LYVE1: variants seen among roughly 807,000 people sequenced by gnomAD.
The protein encoded by LYVE1 is lymphatic vessel endothelial hyaluronan receptor 1, also known as lymphatic vessel endothelial hyaluronic acid receptor 1.
LYVE1 carries 29 observed loss-of-function variants against 31.5 expected under a neutral mutation model. The observed-to-expected ratio is 0.92, with a 90% CI of 0.69 to 1.26. The LOEUF (loss-of-function observed/expected upper bound fraction) is 1.26, where lower values mean the gene tolerates loss of function less well. Ranked by LOEUF, LYVE1 falls within the 50% of genes most tolerant of loss-of-function variation. The pLI is 0.00. For missense variants in LYVE1, 376 were observed against 380.2 expected (o/e 0.99, Z 0.09); for synonymous variants, 134 against 139.4 (o/e 0.96, Z 0.27).
intron 3 of LYVE1, among the ~76,000 whole-genome samples, chr11:10,563,165 G>A (rs1204730231): frequency 6.6e-6 from 1 of 151,826 alleles, no homozygotes; most frequent in Non-Finnish European, 1.5e-5. Flanking sequence ...GTGTTAGGAT[G>A]GTCTCAATCT....
rs548312810 is a variant in LYVE1 at position 10,557,153 on chromosome 11, A to G, written c.*1958T>C. 1 of 152,316 alleles carries G rather than the reference A, an allele frequency of 6.6e-6. No individual in the cohort carries two copies. Among genetic ancestry groups the G allele is most frequent in the South Asian group, 2.1e-4 (1 of 4,826 alleles). 9.4% of individuals were successfully genotyped at this position (152,316 alleles called of 1,614,324 possible). On this transcript the variant is annotated 3_prime_UTR_variant, in exon 6 of 6. Coordinates refer to ENST00000256178, the MANE Select transcript of LYVE1 (RefSeq NM_006691.4). ...GGGCTGGGTGTGAAGAAAAGGCCACAGTGTTACAAAGTTCATAGGAAAGGG... is the reference window on the plus strand; with the variant it reads ...GGGCTGGGTGTGAAGAAAAGGCCACGGTGTTACAAAGTTCATAGGAAAGGG...
At chr11:10,568,267 A>C (rs1409329361) in intron 1 of LYVE1, among the ~76,000 whole-genome samples, 181 bp downstream of exon 1, 1 of 152,256 alleles carries the variant, frequency 6.6e-6, no homozygotes, top group Admixed American at 6.5e-5. Flanking sequence ...TACAAACGTA[A>C]ATGTCAATCA....
rs144289891 is a variant in LYVE1, at chr11:10,563,996, A to G, written c.341T>C (p.Leu114Pro). 2.5e-6 allele frequency: 4 copies of G among 1,614,088 alleles called. No homozygotes were observed. Among genetic ancestry groups the G allele is most frequent in the African/African-American group, 1.3e-5 (1 of 74,938 alleles). ...PKCGKNGVGV[L>P]IWKVPVSRQF... The stretch of plus-strand genomic sequence containing the variant: ...TCGGCTCACTGGAACCTTCCAAATC[A>G]GGACACCCACCCCATTTTTCCCACA... Residue 114 changes from leucine (L) to proline (P), a missense_variant, in exon 3 of 6, where the codon CTG (leucine) becomes CCG (proline). By Grantham distance (98) the Leu-to-Pro change is moderately conservative. Coordinates refer to ENST00000256178, the MANE Select transcript of LYVE1 (RefSeq NM_006691.4).
rs1850482899 is a variant in LYVE1 at position 10,563,950 on chromosome 11, G to GT, written c.386dup (p.Tyr129Ter). 2 of 1,614,182 alleles carry GT rather than the reference G, an allele frequency of 1.2e-6. No individual in the cohort carries two copies. Among genetic ancestry groups the GT allele is most frequent in the South Asian group, 2.2e-5 (2 of 91,084 alleles). Residue 129 changes from tyrosine to a stop codon, truncating the protein, a stop_gained and frameshift_variant, in exon 3 of 6, where the codon TAC becomes TAAC. Transcript: ENST00000256178. LOFTEE classifies it high-confidence loss of function. ...PVSRQFAAYC[Y>*]NSSDTWTNSC... is the part of the protein sequence containing the mutation. ...GCAGATCAGACTCACCAGATGAGTT[G>GT]TAACAATAGGCTGCAAACTGTCGGC... is the stretch of plus-strand genomic sequence containing the variant.
chr11:10,562,940 C>T (rs1004560376), intron 3 of LYVE1, among the ~76,000 whole-genome samples: 6 of 137,926 alleles, frequency 4.4e-5, no homozygotes, highest in Admixed American at 1.5e-4. Flanking sequence ...CCTTTGAACT[C>T]GGTTTCTTTT....
At position 10,564,354 on chromosome 11, in the gene LYVE1, A is replaced by C. The variant is rs778739711; in HGVS notation, c.106T>G (p.Cys36Gly). The change falls in exon 2 of 6, where the codon TGC becomes GGC. Residue 36 changes from cysteine to glycine, a missense_variant. Transcript: ENST00000256178. ...ACAAGGGTGATCCCCATAATTCTGC[A>C]TGACACCTGGATGGAAAGCTCTGCA... is the stretch of plus-strand genomic sequence containing the variant. ...RAEELSIQVSCRIMGITLVSK... is the reference protein window; with the variant it reads ...RAEELSIQVSGRIMGITLVSK... 1.9e-5 allele frequency: 31 copies of C among 1,613,762 alleles called. 1 individual carries two copies. In the South Asian group the frequency reaches 3.3e-4, roughly 17 times the overall value.
intron 3 of LYVE1, among the ~76,000 whole-genome samples, chr11:10,563,143 C>T (rs1294984191): frequency 2.6e-5 from 4 of 151,772 alleles, no homozygotes; most frequent in South Asian, 2.1e-4. Flanking sequence ...TTAGTAGAGA[C>T]GGGGTTTCAC....
Position 10,557,339 on chromosome 11 carries a change from A to G in LYVE1, c.*1772T>C, listed in dbSNP as rs1299239173. On this transcript the variant is annotated 3_prime_UTR_variant, in exon 6 of 6. Transcript: ENST00000256178. ...TACTTCCAGATCTTTCCATTTTTAG[A>G]GGGAACCCAGAAATGTAACCATGTG... The G allele has an allele frequency of 6.6e-6, 1 of 152,216 alleles. No individual in the cohort carries two copies. Among genetic ancestry groups the G allele is most frequent in the Non-Finnish European group, 1.5e-5 (1 of 68,042 alleles). The allele number at this position is 152,216 out of a possible 1,614,324, so 9.4% of individuals were successfully genotyped here. A position where few individuals can be genotyped will look rare whatever the true frequency, so the allele number is the denominator to read the frequency against.
intron 3 of LYVE1, among the ~76,000 whole-genome samples, chr11:10,561,568 T>C (rs1230850760): frequency 6.6e-6 from 1 of 152,166 alleles, no homozygotes; most frequent in African/African-American, 2.4e-5. Flanking sequence ...TTGCATGTGC[T>C]AGAGAGGAAA....
rs972142098 is a variant in LYVE1, at chr11:10,557,598, G to A, written c.*1513C>T. The A allele has an allele frequency of 6.6e-6, 1 of 152,198 alleles. No individual in the cohort carries two copies. Among genetic ancestry groups the A allele is most frequent in the Admixed American group, 6.5e-5 (1 of 15,282 alleles). The allele number at this position is 152,198 out of a possible 1,614,324, so 9.4% of individuals were successfully genotyped here. A position where few individuals can be genotyped will look rare whatever the true frequency, so the allele number is the denominator to read the frequency against. ...GACGAATGAGCCATCCTGGATCTCT[G>A]GCTCCCTGGTGAATTCTGAAATGGA... On this transcript the variant is annotated 3_prime_UTR_variant, in exon 6 of 6. Transcript: ENST00000256178.
chr11:10,566,860 G>C (rs1328111408), intron 1 of LYVE1, among the ~76,000 whole-genome samples: 1 of 152,120 alleles, frequency 6.6e-6, no homozygotes, highest in Non-Finnish European at 1.5e-5. Flanking sequence ...AGCAGAGGCG[G>C]GGCCCAGTAG....
chr11:10,565,797 A>T (rs564447437), intron 1 of LYVE1, among the ~76,000 whole-genome samples: 25 of 151,924 alleles, frequency 1.6e-4, no homozygotes, highest in African/African-American at 6.0e-4. Flanking sequence ...CAGTATGGCC[A>T]AGCAAGAACC....
rs1250490225 is a variant in LYVE1 at position 10,560,498 on chromosome 11, C to T, written c.700G>A (p.Gly234Arg). 1 of 1,601,890 alleles carries T rather than the reference C, an allele frequency of 6.2e-7. No individual in the cohort carries two copies. Among genetic ancestry groups the T allele is most frequent in the Non-Finnish European group, 8.5e-7 (1 of 1,172,600 alleles). The change falls in exon 4 of 6, where the codon GGA (glycine) becomes AGA (arginine). Residue 234 changes from glycine to arginine, a missense_variant. Coordinates refer to ENST00000256178, the MANE Select transcript of LYVE1 (RefSeq NM_006691.4). ...AAFKNEAAGF[G>R]GVPTALLVLA... ...CATAGACACAGAAACCATTTACCTC[C>T]AAACCCAGCAGCTTCATTCTTGAAT... is the stretch of plus-strand genomic sequence containing the variant.
intron 3 of LYVE1, among the ~76,000 whole-genome samples, chr11:10,562,650 A>C (rs1274096266): frequency 6.6e-6 from 1 of 152,182 alleles, no homozygotes; most frequent in Non-Finnish European, 1.5e-5. Context: ...ACTGAGAGCA[A>C]GTGAGTATTT....
chr11:10,566,292 T>G (rs533915944), intron 1 of LYVE1, among the ~76,000 whole-genome samples: 30 of 151,908 alleles, frequency 2.0e-4, no homozygotes, highest in Admixed American at 1.3e-3. Context: ...GTATTTTTTG[T>G]AGAGATGGGG....
Position 10,560,550 on chromosome 11 carries a change from A to G in LYVE1, c.648T>C (p.Thr216=). 1 of 1,613,730 alleles carries G rather than the reference A, an allele frequency of 6.2e-7. No individual in the cohort carries two copies. The highest frequency in any genetic ancestry group is 1.1e-5 in the South Asian group (1 of 91,016). Reference sequence around the variant, plus strand: ...CTGCTTTATTTTCAACAAATGGTTCAGTTTCTGTAGACATGGTGCTAGTTT... The same window carrying G: ...CTGCTTTATTTTCAACAAATGGTTCGGTTTCTGTAGACATGGTGCTAGTTT... The part of the protein sequence containing the change: ...FMETSTMSTE[T]EPFVENKAAF... Residue 216 remains threonine (T), a synonymous_variant, in exon 4 of 6, where the codon ACT becomes ACC. Coordinates refer to ENST00000256178, the MANE Select transcript of LYVE1 (RefSeq NM_006691.4).
rs1564876349 is a variant in LYVE1 at position 10,558,264 on chromosome 11, TTACTTTTTAAACAAATTAC to T, written c.*828_*846del. On this transcript the variant is annotated 3_prime_UTR_variant, in exon 6 of 6. Coordinates refer to ENST00000256178, the MANE Select transcript of LYVE1 (RefSeq NM_006691.4). ...TTCAGCAAATGTTTGTTGAATTTTA[TTACTTTTTAAACAAATTAC>T]TGAGTAATCTTCCTTAGTAATCATT... 2 of 152,102 alleles carry T rather than the reference TTACTTTTTAAACAAATTAC, an allele frequency of 1.3e-5. No homozygotes were observed. Among genetic ancestry groups the T allele is most frequent in the Non-Finnish European group, 2.9e-5 (2 of 68,046 alleles). The allele number at this position is 152,102 out of a possible 1,614,324, so 9.4% of individuals were successfully genotyped here.
At position 10,557,914 on chromosome 11, in the gene LYVE1, C is replaced by T. The variant is rs1305745343; in HGVS notation, c.*1197G>A. 1 of 152,198 alleles carries T rather than the reference C, an allele frequency of 6.6e-6. No homozygotes were observed. 9.4% of individuals were successfully genotyped at this position (152,198 alleles called of 1,614,324 possible). ...TTTTGTCACAAATATTTCTGCATCT[C>T]TCAGTCCCTTCTTGTTGGAAAAAGG... is the stretch of plus-strand genomic sequence containing the variant. On this transcript the variant is annotated 3_prime_UTR_variant, in exon 6 of 6. Transcript: ENST00000256178.
chr11:10,558,345 T>C lies in LYVE1; in HGVS notation c.*766A>G, dbSNP rs1564876378. 2 of 152,192 alleles carry C rather than the reference T, an allele frequency of 1.3e-5. No individual in the cohort carries two copies. Among genetic ancestry groups the C allele is most frequent in the African/African-American group, 2.4e-5 (1 of 41,446 alleles). The allele number at this position is 152,192 out of a possible 1,614,324, so 9.4% of individuals were successfully genotyped here. A position where few individuals can be genotyped will look rare whatever the true frequency, so the allele number is the denominator to read the frequency against. On this transcript the variant is annotated 3_prime_UTR_variant, in exon 6 of 6. Coordinates refer to ENST00000256178, the MANE Select transcript of LYVE1 (RefSeq NM_006691.4). ...GATAAAAATAGAAATTTATAAGAGT[T>C]TTTATTTTTGTTACTTGTAAAAGTA...
Sources: gnomAD v4.1 joint callset for allele counts (sites outside exome capture counted in the v4.1 genomes callset) on GRCh38, gnomAD v4.1.1 for gene constraint, MANE v1.5 for transcripts, NCBI Gene and HGNC (gene_info 2026-07-23, HGNC 2026-07-21) for gene names.